The following ACYP2 variants were observed in gnomAD, a reference collection of about 807,000 sequenced individuals.
ACYP2 encodes acylphosphatase-2.
ACYP2 carries 12 observed loss-of-function variants against 11.2 expected under a neutral mutation model. The observed-to-expected ratio is 1.08, with a 90% CI of 0.69 to 1.74. The LOEUF (loss-of-function observed/expected upper bound fraction) is 1.74, where lower values mean the gene tolerates loss of function less well. Among genes scored for constraint, ACYP2 ranks in the 40% most tolerant of loss-of-function variants. The pLI, the probability that ACYP2 is intolerant of heterozygous loss-of-function variation, is 0.00. For synonymous variants in ACYP2, 43 were observed against 32.2 expected (o/e 1.33, Z -1.13); for missense variants, 134 against 101.9 (o/e 1.31, Z -1.35).
intron 6 of ACYP2, among the ~76,000 whole-genome samples, chr2:54,296,115 C>G (rs1250263715): frequency 6.6e-6 from 1 of 152,176 alleles, no homozygotes; most frequent in Non-Finnish European, 1.5e-5. Flanking sequence ...ATATAATAAA[C>G]ACATAGACAA....
chr2:54,074,422 A>C (rs1248715686), intron 4 of ACYP2, among the ~76,000 whole-genome samples: 1 of 152,134 alleles, frequency 6.6e-6, no homozygotes, highest in Non-Finnish European at 1.5e-5. Context: ...ATACAATGAG[A>C]CCTCATCTCT....
chr2:54,279,174 A>C (rs1019837695), intron 6 of ACYP2, among the ~76,000 whole-genome samples: 1 of 152,260 alleles, frequency 6.6e-6, no homozygotes, highest in Non-Finnish European at 1.5e-5. Context: ...CAGATCTGAA[A>C]GTCATCGTGG....
At chr2:54,062,084 A>T (rs1676498091) in intron 4 of ACYP2, among the ~76,000 whole-genome samples, 2 of 152,188 alleles carry the variant, frequency 1.3e-5, no homozygotes, top group African/African-American at 4.8e-5. Flanking sequence ...AGATATTACA[A>T]ACTATTGTTA....
rs556403594 is a variant in ACYP2 at position 54,044,738 on chromosome 2, A to G, written c.63-6220A>G. On this transcript the variant is annotated intron_variant, in intron 2 of 6. Transcript: ENST00000607452. ...TCACAGCAGGAGGGAGTAATGCATG[A>G]CACCACCATTTTTTTTTCTGCAATG... 8.5e-5 allele frequency among the ~76,000 whole-genome samples: 13 copies of G among 152,288 alleles called. No individual in the cohort carries two copies. The South Asian group carries it at 2.3e-3, about 27-fold the overall frequency.
intron 4 of ACYP2, among the ~76,000 whole-genome samples, chr2:54,097,754 A>G (rs148551998): frequency 1.5e-3 from 232 of 152,136 alleles, no homozygotes; most frequent in African/African-American, 5.4e-3. Flanking sequence ...TATTTTAGCT[A>G]GAAATGCTTC....
intron 6 of ACYP2, among the ~76,000 whole-genome samples, chr2:54,144,814 A>T (rs1330943871): frequency 6.6e-6 from 1 of 152,160 alleles, no homozygotes; most frequent in Admixed American, 6.5e-5. Flanking sequence ...GTATATTTTT[A>T]AAAAACAGCT....
At chr2:54,071,741 TG>T (rs1677056799) in intron 4 of ACYP2, among the ~76,000 whole-genome samples, 1 of 152,170 alleles carries the variant, frequency 6.6e-6, no homozygotes, top group Admixed American at 6.6e-5. Flanking sequence ...CCGGGTGTGG[TG>T]GCTCATGCCT....
chr2:54,053,001 A>T (rs1318939096), intron 3 of ACYP2, among the ~76,000 whole-genome samples: 1 of 152,216 alleles, frequency 6.6e-6, no homozygotes, highest in East Asian at 1.9e-4. Flanking sequence ...TACTTTTACT[A>T]GCTGGCACAA....
chr2:54,273,840 C>G (rs1688426036), intron 6 of ACYP2, among the ~76,000 whole-genome samples: 1 of 152,136 alleles, frequency 6.6e-6, no homozygotes, highest in Non-Finnish European at 1.5e-5. Flanking sequence ...CTCATCCCAG[C>G]CAAAGCCGGG....
At chr2:54,216,641 G>A (rs562062003) in intron 6 of ACYP2, among the ~76,000 whole-genome samples, 23 of 151,920 alleles carry the variant, frequency 1.5e-4, no homozygotes, top group African/African-American at 4.6e-4. Context: ...GAGTTCAAGC[G>A]ATTTTCATGC....
intron 6 of ACYP2, among the ~76,000 whole-genome samples, chr2:54,270,443 A>C (rs935020083): frequency 1.3e-5 from 2 of 152,194 alleles, no homozygotes; most frequent in Non-Finnish European, 2.9e-5. Context: ...TTATCCTGGC[A>C]ATTATTAAAA....
At chr2:54,168,098 C>G (rs1210120704) in intron 6 of ACYP2, among the ~76,000 whole-genome samples, 2 of 151,996 alleles carry the variant, frequency 1.3e-5, no homozygotes, top group East Asian at 3.9e-4. Context: ...TTCACTTTTT[C>G]CATTGTCTTC....
At chr2:54,165,531 T>TCACA (rs1381014533) in intron 6 of ACYP2, among the ~76,000 whole-genome samples, 324 of 119,640 alleles carry the variant, frequency 2.7e-3, no homozygotes, top group Middle Eastern at 4.1e-3. Context: ...TCTCTCTCTC[T>TCACA]CTCTCACACA....
chr2:53,989,200 T>C (rs1022879588), intron 2 of ACYP2, among the ~76,000 whole-genome samples: 2 of 152,108 alleles, frequency 1.3e-5, no homozygotes, highest in Non-Finnish European at 2.9e-5. Context: ...CCATCGACTA[T>C]TGTGATCTAC....
chr2:54,242,007 C>G (rs1197864922), intron 6 of ACYP2, among the ~76,000 whole-genome samples: 2 of 151,972 alleles, frequency 1.3e-5, no homozygotes, highest in Admixed American at 6.5e-5. Context: ...CAGCAAGACA[C>G]TGTATCAAAA....
chr2:54,274,863 A>C (rs1389744735), intron 6 of ACYP2, among the ~76,000 whole-genome samples: 3 of 152,202 alleles, frequency 2.0e-5, no homozygotes, highest in African/African-American at 4.8e-5. Context: ...CATGGATACA[A>C]AGCAGAATGA....
chr2:54,234,924 T>G (rs1476241621), intron 6 of ACYP2, among the ~76,000 whole-genome samples: 1 of 152,196 alleles, frequency 6.6e-6, no homozygotes, highest in African/African-American at 2.4e-5. Flanking sequence ...ATGGGGCTCT[T>G]TTCAAACTGA....
intron 6 of ACYP2, among the ~76,000 whole-genome samples, chr2:54,180,256 A>AT (rs981933964): frequency 2.4e-4 from 37 of 151,806 alleles, no homozygotes; most frequent in African/African-American, 8.2e-4. Flanking sequence ...TTTATTTTTA[A>AT]TTTTTTTTAA....
At chr2:54,036,937 G>A (rs925004039) in intron 2 of ACYP2, among the ~76,000 whole-genome samples, 1 of 152,060 alleles carries the variant, frequency 6.6e-6, no homozygotes, top group Non-Finnish European at 1.5e-5. Flanking sequence ...TCATGGTCAG[G>A]TCCCTCTCCT....
Sources: gnomAD v4.1 joint callset for allele counts (sites outside exome capture counted in the v4.1 genomes callset) on GRCh38, gnomAD v4.1.1 for gene constraint, MANE v1.5 for transcripts, NCBI Gene and HGNC (gene_info 2026-07-23, HGNC 2026-07-21) for gene names.